The following ZCCHC14 variants were observed in gnomAD, a reference collection of about 807,000 sequenced individuals.
ZCCHC14 encodes zinc finger CCHC domain-containing protein 14.
A neutral mutation model predicts 85.0 loss-of-function variants in ZCCHC14; 16 were observed. The ratio of observed to expected loss-of-function variants is 0.19; its 90% CI spans 0.13 to 0.29. ZCCHC14 has a LOEUF of 0.29. ZCCHC14 is among the 10% of genes least tolerant of loss of function. The pLI, the probability that ZCCHC14 is intolerant of heterozygous loss-of-function variation, is 1.00. For synonymous variants in ZCCHC14, 775 were observed against 630.7 expected, an observed-to-expected ratio of 1.23 and a Z score of -3.43; for missense variants, 1,303 against 1,443.5, an observed-to-expected ratio of 0.90 and a Z score of 1.58.
Position 87,420,726 on chromosome 16 carries a change from A to G in ZCCHC14, c.841-10T>C. 1 of 1,605,466 alleles carries G rather than the reference A, an allele frequency of 6.2e-7. No individual in the cohort carries two copies. The highest frequency in any genetic ancestry group is 8.5e-7 in the Non-Finnish European group (1 of 1,175,140). ...GATAGAGCTGACATAGCTGGAAGAG[A>G]GGACAAGGTAGAGGAGGTGTGTCCA... On this transcript the variant is annotated splice_polypyrimidine_tract_variant and intron_variant, in intron 4 of 12. Transcript: ENST00000671377. The surrounding 1 kb of genome is among the most constrained non-coding windows in gnomAD (Gnocchi z 5.0).
rs1911193283 is a variant in ZCCHC14 at position 87,460,219 on chromosome 16, A to ACCTTGGTT, written c.571-96_571-89dup. ...TTTGTTAATTAAGTCTTTCATAATTACCTTGGTTTCCATTTTTCTACAAAA... is the reference window on the plus strand; with the variant it reads ...TTTGTTAATTAAGTCTTTCATAATTACCTTGGTTCCTTGGTTTCCATTTTTCTACAAAA... On this transcript the variant is annotated intron_variant, in intron 1 of 12. Coordinates refer to ENST00000671377, the MANE Select transcript of ZCCHC14 (RefSeq NM_015144.3). 3.3e-6 allele frequency: 5 copies of ACCTTGGTT among 1,502,856 alleles called. No homozygotes were observed. In the East Asian group the frequency reaches 1.1e-4, roughly 34 times the overall value. The allele number at this position is 1,502,856 out of a possible 1,614,324, so 93.1% of individuals were successfully genotyped here.
chr16:87,454,740 T>C (rs1046388281), intron 2 of ZCCHC14, among the ~76,000 whole-genome samples: 1 of 152,248 alleles, frequency 6.6e-6, no homozygotes, highest in Admixed American at 6.5e-5. Context: ...CTTTTTCCTT[T>C]TCCTTTCTTA....
intron 2 of ZCCHC14, among the ~76,000 whole-genome samples, chr16:87,437,786 G>A (rs1910001224): frequency 1.3e-5 from 2 of 152,082 alleles, no homozygotes; most frequent in South Asian, 2.1e-4. Flanking sequence ...TATTCACATC[G>A]ACTATCATTT....
At chr16:87,417,843 C>A (rs902104755) in intron 7 of ZCCHC14, 101 bp from the exon 8 acceptor site, 14 of 1,391,682 alleles carry the variant, frequency 1.0e-5, no homozygotes, top group Non-Finnish European at 1.2e-5. Context: ...CCAGCCTCTG[C>A]CTCTTGGCCG....
Position 87,491,580 on chromosome 16 carries a change from G to A in ZCCHC14, c.570+89C>T, listed in dbSNP as rs958344119. On this transcript the variant is annotated intron_variant, in intron 1 of 12. Transcript: ENST00000671377. This position sits in a 1 kb window ranked among gnomAD's most constrained non-coding sequence, Gnocchi z 5.9. The stretch of plus-strand genomic sequence containing the variant: ...TCAGTGCAGGCTGGAGGCGTGGGTC[G>A]GGGGGTCGCGGTGCAGGCTGGAGGC... The A allele has an allele frequency of 6.6e-6, 8 of 1,210,166 alleles. No individual in the cohort carries two copies. The highest frequency in any genetic ancestry group is 4.8e-5 in the African/African-American group (3 of 62,066). 75.0% of individuals were successfully genotyped at this position (1,210,166 alleles called of 1,614,324 possible).
chr16:87,460,240 C>A (rs779319404), intron 1 of ZCCHC14, 109 bp from the exon 2 acceptor site: 1 of 1,379,210 alleles, frequency 7.3e-7, no homozygotes, highest in Admixed American at 2.2e-5. Flanking sequence ...CATTTTTCTA[C>A]AAAACATGTA....
Position 87,493,014 on chromosome 16 carries a change from T to A in ZCCHC14, c.-776A>T, listed in dbSNP as rs1003234156. ...GCTCGCGGCTGACGGGCGGCCGGGA[T>A]CAGCAGAAGTGGGCGGGGTGGCCGC... On this transcript the variant is annotated 5_prime_UTR_variant, in exon 1 of 13. Coordinates refer to ENST00000671377, the MANE Select transcript of ZCCHC14 (RefSeq NM_015144.3). 6.6e-6 allele frequency among the ~76,000 whole-genome samples: 1 copy of A among 151,796 alleles called. No homozygotes were observed. The highest frequency in any genetic ancestry group is 2.4e-5 in the African/African-American group (1 of 41,358).
At chr16:87,437,646 G>A (rs147064700) in intron 2 of ZCCHC14, among the ~76,000 whole-genome samples, 82 of 152,332 alleles carry the variant, frequency 5.4e-4, no homozygotes, top group African/African-American at 1.8e-3. Context: ...GTAAGAACAC[G>A]AAGGATGATA....
At chr16:87,442,379 G>C (rs1360569744) in intron 2 of ZCCHC14, among the ~76,000 whole-genome samples, 3 of 152,154 alleles carry the variant, frequency 2.0e-5, no homozygotes, top group Non-Finnish European at 4.4e-5. Flanking sequence ...AGATGAGTCA[G>C]AGTCTCGTAT....
At chr16:87,473,705 G>A (rs1045003255) in intron 1 of ZCCHC14, 2 of 152,124 alleles carry the variant, frequency 1.3e-5, no homozygotes, top group African/African-American at 2.4e-5. Flanking sequence ...TCAAAGCAGT[G>A]AGCACGTTCA....
chr16:87,485,676 A>G (rs1452953662), intron 1 of ZCCHC14, among the ~76,000 whole-genome samples: 3 of 152,020 alleles, frequency 2.0e-5, no homozygotes, highest in South Asian at 4.2e-4. Flanking sequence ...TAAAGCAGAA[A>G]TTTTTCCTAG....
chr16:87,413,661 G>T (rs994039862), intron 10 of ZCCHC14, among the ~76,000 whole-genome samples: 1 of 152,012 alleles, frequency 6.6e-6, no homozygotes, highest in Non-Finnish European at 1.5e-5. Flanking sequence ...GAGCAAGCGC[G>T]CCAGGTGTCC....
intron 3 of ZCCHC14, among the ~76,000 whole-genome samples, chr16:87,426,362 C>A (rs1413327716): frequency 6.6e-6 from 1 of 152,212 alleles, no homozygotes; most frequent in Non-Finnish European, 1.5e-5. Flanking sequence ...CTTTACATTT[C>A]ACCAAGAAAA....
intron 2 of ZCCHC14, among the ~76,000 whole-genome samples, chr16:87,447,840 G>T (rs957788654): frequency 6.6e-6 from 1 of 152,204 alleles, no homozygotes; most frequent in Admixed American, 6.5e-5. Context: ...AGCTCCAGCT[G>T]CTTCTGATCC....
At chr16:87,429,467 A>C (rs1909539794) in intron 3 of ZCCHC14, among the ~76,000 whole-genome samples, 1 of 152,060 alleles carries the variant, frequency 6.6e-6, no homozygotes, top group African/African-American at 2.4e-5. Context: ...ATGTGCCACT[A>C]CACCTGGCAG....
chr16:87,450,632 A>G (rs1910653005), intron 2 of ZCCHC14, among the ~76,000 whole-genome samples: 1 of 147,210 alleles, frequency 6.8e-6, no homozygotes. Flanking sequence ...GTGTAATGGC[A>G]TGATCTCGGC....
chr16:87,483,175 C>G (rs937525741), intron 1 of ZCCHC14, among the ~76,000 whole-genome samples: 1 of 151,644 alleles, frequency 6.6e-6, no homozygotes, highest in African/African-American at 2.4e-5. Context: ...ACTAAGAACC[C>G]AGCCAGGCGC....
At chr16:87,446,151 G>A (rs1567526599) in intron 2 of ZCCHC14, among the ~76,000 whole-genome samples, 1 of 128,538 alleles carries the variant, frequency 7.8e-6, no homozygotes, top group African/African-American at 3.0e-5. Context: ...TGGGCAACAA[G>A]AGCAAAACTC....
intron 1 of ZCCHC14, among the ~76,000 whole-genome samples, chr16:87,463,153 A>G (rs915342892): frequency 3.9e-5 from 6 of 152,186 alleles, no homozygotes; most frequent in Non-Finnish European, 8.8e-5. Flanking sequence ...AGGCCAAAGC[A>G]GGAGGATCAC....
Sources: allele counts gnomAD v4.1 joint callset (sites outside exome capture counted in the v4.1 genomes callset), GRCh38; gene constraint gnomAD v4.1.1; non-coding constraint Gnocchi (gnomAD v3.1); transcripts MANE v1.5; gene names NCBI Gene and HGNC (gene_info 2026-07-23, HGNC 2026-07-21).